The following NRXN3 variants were observed in gnomAD, a reference collection of about 807,000 sequenced individuals.
The protein encoded by NRXN3 is neurexin 3.
Under a neutral mutation model 137.6 loss-of-function variants are expected in NRXN3, and 32 were observed. The ratio of observed to expected loss-of-function variants is 0.23; its 90% confidence interval spans 0.18 to 0.31. The LOEUF is 0.31. Among genes scored for constraint, NRXN3 ranks in the 10% least tolerant of loss-of-function variants. The pLI, the probability that NRXN3 is intolerant of heterozygous loss-of-function variation, is 1.00. For synonymous variants in NRXN3, 798 were observed against 784.5 expected, an observed-to-expected ratio of 1.02 and a Z score of -0.29; for missense variants, 1,574 against 2,062.5, an observed-to-expected ratio of 0.76 and a Z score of 4.59.
At chr14:78,417,328 T>C (rs1374479807) in intron 4 of NRXN3, among the ~76,000 whole-genome samples, 3 of 152,190 alleles carry the variant, frequency 2.0e-5, no homozygotes, top group Non-Finnish European at 2.9e-5. Flanking sequence ...TGAGATGTGC[T>C]CTCCCAGCTT....
At chr14:78,462,312 C>T (rs1486880204) in intron 4 of NRXN3, among the ~76,000 whole-genome samples, 2 of 152,136 alleles carry the variant, frequency 1.3e-5, no homozygotes, top group Non-Finnish European at 1.5e-5. Flanking sequence ...ATACAGAGGC[C>T]GAAGGGTGGC....
intron 15 of NRXN3, among the ~76,000 whole-genome samples, chr14:79,391,991 C>T (rs959934423): frequency 2.0e-5 from 3 of 152,032 alleles, no homozygotes; most frequent in Non-Finnish European, 4.4e-5. Flanking sequence ...TTTCTTCTCT[C>T]TCTTTTTCCT....
intron 17 of NRXN3, among the ~76,000 whole-genome samples, chr14:79,673,336 G>T (rs1365990621): frequency 1.3e-5 from 2 of 152,062 alleles, no homozygotes; most frequent in Admixed American, 1.3e-4. Context: ...GGCCTTGATG[G>T]CATAGTTTAC....
At chr14:79,088,582 TAAG>T (rs2048575955) in intron 15 of NRXN3, among the ~76,000 whole-genome samples, 1 of 152,158 alleles carries the variant, frequency 6.6e-6, no homozygotes, top group Non-Finnish European at 1.5e-5. Context: ...GACTTGGGCT[TAAG>T]AAGTCTCTTA....
intron 2 of NRXN3, among the ~76,000 whole-genome samples, chr14:78,260,188 T>C (rs2070452702): frequency 6.6e-6 from 1 of 151,670 alleles, no homozygotes; most frequent in African/African-American, 2.4e-5. Context: ...AATTATAGAG[T>C]GGTGTATGCA....
chr14:78,241,569 G>A (rs1462595106), intron 1 of NRXN3, among the ~76,000 whole-genome samples: 5 of 151,558 alleles, frequency 3.3e-5, no homozygotes, highest in Non-Finnish European at 5.9e-5. Flanking sequence ...GCAGTGAGCC[G>A]AGCTCACGCC....
chr14:79,621,923 C>G (rs2098228310), intron 16 of NRXN3, among the ~76,000 whole-genome samples: 1 of 152,094 alleles, frequency 6.6e-6, no homozygotes, highest in Non-Finnish European at 1.5e-5. Context: ...GCATGGAGAT[C>G]CCTTGGATAT....
intron 20 of NRXN3, among the ~76,000 whole-genome samples, chr14:79,831,791 G>C (rs549727565): frequency 6.6e-6 from 1 of 152,114 alleles, no homozygotes; most frequent in Admixed American, 6.6e-5. Flanking sequence ...GCACTTTACC[G>C]TTTAAGATCA....
intron 16 of NRXN3, among the ~76,000 whole-genome samples, chr14:79,587,419 C>T (rs2097771814): frequency 6.6e-6 from 1 of 152,236 alleles, no homozygotes; most frequent in Non-Finnish European, 1.5e-5. Context: ...TGATTTGCCT[C>T]TGCTGGACGC....
chr14:79,109,107 A>G (rs1458903487), intron 15 of NRXN3, among the ~76,000 whole-genome samples: 2 of 152,210 alleles, frequency 1.3e-5, no homozygotes, highest in East Asian at 1.9e-4. Flanking sequence ...TGAATGTTAC[A>G]TTGGTTTTTA....
At chr14:78,266,781 T>A (rs977182612) in intron 2 of NRXN3, among the ~76,000 whole-genome samples, 2 of 152,172 alleles carry the variant, frequency 1.3e-5, no homozygotes, top group Non-Finnish European at 2.9e-5. Flanking sequence ...AACACCTCCT[T>A]ACTTTACAAA....
At chr14:78,220,816 G>C (rs1387885947) in intron 1 of NRXN3, among the ~76,000 whole-genome samples, 1 of 152,012 alleles carries the variant, frequency 6.6e-6, no homozygotes, top group Admixed American at 6.6e-5. Flanking sequence ...GTAGGTAGGA[G>C]AGAAAGTGAG....
intron 15 of NRXN3, among the ~76,000 whole-genome samples, chr14:79,037,559 A>G (rs576006022): frequency 6.6e-6 from 1 of 152,292 alleles, no homozygotes; most frequent in East Asian, 1.9e-4. Context: ...TTCTAAAGAA[A>G]AAGGAGATTA....
intron 10 of NRXN3, among the ~76,000 whole-genome samples, chr14:78,930,367 C>T (rs1001988476): frequency 2.6e-5 from 4 of 152,136 alleles, no homozygotes; most frequent in African/African-American, 9.7e-5. Context: ...TGTGGCTTTG[C>T]TAAAATTTTG....
chr14:79,770,150 C>A (rs987093969), intron 19 of NRXN3, among the ~76,000 whole-genome samples: 6 of 151,848 alleles, frequency 4.0e-5, no homozygotes, highest in African/African-American at 1.5e-4. Flanking sequence ...TACAAAGAGA[C>A]TTAGACTCCC....
intron 9 of NRXN3, among the ~76,000 whole-genome samples, chr14:78,806,158 T>C (rs2098867325): frequency 6.6e-6 from 1 of 151,970 alleles, no homozygotes. Context: ...GAGAGCACTG[T>C]GCTTGTCCAG....
At chr14:78,404,112 C>A (rs1259555212) in intron 4 of NRXN3, among the ~76,000 whole-genome samples, 4 of 151,866 alleles carry the variant, frequency 2.6e-5, no homozygotes, top group Admixed American at 2.6e-4. Flanking sequence ...TAATAAATCT[C>A]TAATTTTTCT....
chr14:78,326,661 G>A (rs772801533), intron 4 of NRXN3, among the ~76,000 whole-genome samples: 21 of 152,180 alleles, frequency 1.4e-4, no homozygotes, highest in Non-Finnish European at 2.4e-4. Flanking sequence ...GTAAGATGAA[G>A]CGTGGTGTTC....
intron 4 of NRXN3, among the ~76,000 whole-genome samples, chr14:78,315,376 C>T (rs2078584293): frequency 6.6e-6 from 1 of 152,100 alleles, no homozygotes; most frequent in African/African-American, 2.4e-5. Flanking sequence ...ACCCAGGGAA[C>T]TTGTGAAACT....
Sources: gnomAD v4.1 joint callset for allele counts (sites outside exome capture counted in the v4.1 genomes callset) on GRCh38, gnomAD v4.1.1 for gene constraint, MANE v1.5 for transcripts, NCBI Gene and HGNC (gene_info 2026-07-23, HGNC 2026-07-21) for gene names.